TSC22D1: variants seen among roughly 807,000 people sequenced by gnomAD.
TSC22D1 encodes TSC22 domain family member 1.
A neutral mutation model predicts 74.2 loss-of-function variants in TSC22D1; 9 were observed. The ratio of observed to expected loss-of-function variants is 0.12; its 90% CI spans 0.07 to 0.21. TSC22D1 has a LOEUF of 0.21. TSC22D1 is among the 10% of genes least tolerant of loss of function. The pLI, the probability that TSC22D1 is intolerant of heterozygous loss-of-function variation, is 1.00. For synonymous variants in TSC22D1, 586 were observed against 492.5 expected (o/e 1.19, Z -2.51); for missense variants, 1,427 against 1,304.7 (o/e 1.09, Z -1.44).
At chr13:44,572,183 T>C (rs992160006) in intron 1 of TSC22D1, among the ~76,000 whole-genome samples, 4 of 152,248 alleles carry the variant, frequency 2.6e-5, no homozygotes, top group South Asian at 2.1e-4. Context: ...ACTGGAAAAT[T>C]TGTGAAAAGA....
chr13:44,506,595 C>T (rs1305066467), intron 1 of TSC22D1, among the ~76,000 whole-genome samples: 2 of 152,108 alleles, frequency 1.3e-5, no homozygotes, highest in African/African-American at 4.8e-5. Flanking sequence ...ATGTAACAAA[C>T]CTACACATCC....
At chr13:44,492,129 A>G (rs1878755274) in intron 1 of TSC22D1, among the ~76,000 whole-genome samples, 1 of 152,142 alleles carries the variant, frequency 6.6e-6, no homozygotes, top group Non-Finnish European at 1.5e-5. Context: ...TTAATCTACA[A>G]TGGGGTTACA....
In TSC22D1 at chr13:44,574,502, T is replaced by C. The variant is rs1203978179; in HGVS notation, c.1573A>G (p.Thr525Ala). ...VTLQQMDFGS[T>A]GPQSIPAVSI... ...ACTGCTGGAATACTCTGTGGACCAG[T>C]GCTACCAAAATCCATCTGTTGGAGG... The change falls in exon 1 of 3, where the codon ACT (threonine) becomes GCT (alanine). Residue 525 changes from threonine to alanine, a missense_variant. Around this residue, in one of 3 missense-constraint regions of TSC22D1, gnomAD observed 1,343 missense variants for 1,191.5 expected, o/e 1.13. Coordinates refer to ENST00000458659, the MANE Select transcript of TSC22D1 (RefSeq NM_183422.4). The C allele has an allele frequency of 1.2e-6, 2 of 1,614,142 alleles. No homozygotes were observed. Among genetic ancestry groups the C allele is most frequent in the East Asian group, 4.5e-5 (2 of 44,878 alleles).
chr13:44,546,992 G>A (rs1467285315), intron 1 of TSC22D1, among the ~76,000 whole-genome samples: 1 of 151,910 alleles, frequency 6.6e-6, no homozygotes, highest in Non-Finnish European at 1.5e-5. Context: ...GAACTCCTGG[G>A]CTTAAGTAAT....
chr13:44,550,455 G>A (rs995110927), intron 1 of TSC22D1, among the ~76,000 whole-genome samples: 2 of 151,766 alleles, frequency 1.3e-5, no homozygotes, highest in Non-Finnish European at 2.9e-5. Flanking sequence ...GGTGGCGCAT[G>A]CCTGTAATCC....
intron 1 of TSC22D1, among the ~76,000 whole-genome samples, chr13:44,447,837 T>C (rs541106858): frequency 3.4e-5 from 5 of 147,102 alleles, no homozygotes; most frequent in Admixed American, 6.7e-5. Flanking sequence ...CCTTTTCTTT[T>C]TTTTTTTTTT....
rs759147498 is a variant in TSC22D1, at chr13:44,433,681, T to C, written c.*945A>G. On this transcript the variant is annotated 3_prime_UTR_variant, in exon 3 of 3. Transcript: ENST00000458659. ...CTACTGGGAAATCCATTTCATTAGTTAGAACTGAGCATTTTTCAAAGTATT... is the reference window on the plus strand; with the variant it reads ...CTACTGGGAAATCCATTTCATTAGTCAGAACTGAGCATTTTTCAAAGTATT... 116 of 376,308 alleles carry C rather than the reference T, an allele frequency of 3.1e-4. No homozygotes were observed. Among genetic ancestry groups the C allele is most frequent in the Admixed American group, 9.4e-5 (2 of 21,232 alleles). 23.3% of individuals were successfully genotyped at this position (376,308 alleles called of 1,614,324 possible). A position where few individuals can be genotyped will look rare whatever the true frequency, so the allele number is the denominator to read the frequency against.
At chr13:44,463,571 A>T (rs1023675340) in intron 1 of TSC22D1, among the ~76,000 whole-genome samples, 2 of 152,216 alleles carry the variant, frequency 1.3e-5, no homozygotes, top group Non-Finnish European at 2.9e-5. Flanking sequence ...TTGCATAAAG[A>T]GAACAGTTCT....
chr13:44,571,107 T>C (rs1337442849), intron 1 of TSC22D1, among the ~76,000 whole-genome samples: 3 of 152,140 alleles, frequency 2.0e-5, no homozygotes, highest in South Asian at 2.1e-4. Context: ...CCCAAATAGG[T>C]AGTAAATTCA....
At chr13:44,567,941 G>A (rs1418462110) in intron 1 of TSC22D1, among the ~76,000 whole-genome samples, 3 of 152,076 alleles carry the variant, frequency 2.0e-5, no homozygotes. Flanking sequence ...AAAGGTTTTA[G>A]AGGTTTTAAA....
Position 44,573,475 on chromosome 13 carries a change from T to C in TSC22D1, c.2600A>G (p.Asn867Ser), listed in dbSNP as rs373475880. The change falls in exon 1 of 3, where the codon AAT (asparagine) becomes AGT (serine). Residue 867 changes from asparagine (N) to serine (S), a missense_variant. Transcript: ENST00000458659. The part of the protein sequence containing the change: ...IAQTPATQNG[N>S]LVQSVSQPPL... Reference sequence around the variant, plus strand: ...AGGTTGACTAACACTTTGAACCAAATTACCATTTTGGGTAGCAGGGGTTTG... The same window carrying C: ...AGGTTGACTAACACTTTGAACCAAACTACCATTTTGGGTAGCAGGGGTTTG... 3.0e-5 allele frequency: 48 copies of C among 1,614,110 alleles called. No homozygotes were observed. The African/African-American group carries it at 5.1e-4, about 17-fold the overall frequency.
At chr13:44,512,688 TGCTC>T (rs1879791725) in intron 1 of TSC22D1, among the ~76,000 whole-genome samples, 2 of 152,006 alleles carry the variant, frequency 1.3e-5, no homozygotes, top group African/African-American at 4.8e-5. Context: ...GATGGAGTCT[TGCTC>T]TGTCACCAGT....
chr13:44,448,733 G>C (rs930303476), intron 1 of TSC22D1, among the ~76,000 whole-genome samples: 1 of 152,176 alleles, frequency 6.6e-6, no homozygotes, highest in African/African-American at 2.4e-5. Flanking sequence ...GGACCTTGGA[G>C]ATCATTTAAT....
At chr13:44,524,373 A>C (rs965309046) in intron 1 of TSC22D1, among the ~76,000 whole-genome samples, 1 of 152,216 alleles carries the variant, frequency 6.6e-6, no homozygotes, top group African/African-American at 2.4e-5. Context: ...AAAACTAAAG[A>C]AACAAGCAAA....
intron 1 of TSC22D1, among the ~76,000 whole-genome samples, chr13:44,571,637 A>G (rs370541175): frequency 1.3e-5 from 2 of 152,346 alleles, no homozygotes; most frequent in East Asian, 3.9e-4. Context: ...TTGACTTAAA[A>G]AACATTAATA....
rs151244528 is a variant in TSC22D1, at chr13:44,575,829, T to G, written c.246A>C (p.Pro82=). ...CCTGCGAAAGGAGGTTCAGGCTTTG[T>G]GGAGGCGGAGGCTGTGGTCCCGACG... is the stretch of plus-strand genomic sequence containing the variant. ...SSTSGPQPPP[P]QSLNLLSQAQ... Residue 82 remains proline (P), a synonymous_variant, in exon 1 of 3, where the codon CCA becomes CCC. Coordinates refer to ENST00000458659, the MANE Select transcript of TSC22D1 (RefSeq NM_183422.4). 4 of 1,613,700 alleles carry G rather than the reference T, an allele frequency of 2.5e-6. No individual in the cohort carries two copies. The highest frequency in any genetic ancestry group is 3.4e-6 in the Non-Finnish European group (4 of 1,179,944).
chr13:44,574,591 A>T lies in TSC22D1; in HGVS notation c.1484T>A (p.Val495Glu), dbSNP rs753469066. ...TTGTTGCTGCTGCTGCTGCTGCACC[A>T]CCACAGTAGGGGCTCCCATCTCTCC... ...GSGEMGAPTV[V>E]VQQQQQQQQQ... Residue 495 changes from valine (V) to glutamate (E), a missense_variant, in exon 1 of 3, where the codon GTG becomes GAG. Val to Glu is a moderately radical substitution (Grantham distance 121). Around this residue, in one of 3 missense-constraint regions of TSC22D1, gnomAD observed 1,343 missense variants for 1,191.5 expected, o/e 1.13. Transcript: ENST00000458659. 46 of 1,613,810 alleles carry T rather than the reference A, an allele frequency of 2.9e-5. No homozygotes were observed. The South Asian group carries it at 4.7e-4, about 17-fold the overall frequency.
At chr13:44,444,494 A>G (rs1046377560) in intron 1 of TSC22D1, among the ~76,000 whole-genome samples, 10 of 151,964 alleles carry the variant, frequency 6.6e-5, no homozygotes, top group Admixed American at 5.2e-4. Context: ...GGAAGAAGAT[A>G]TTCCATGTTA....
intron 1 of TSC22D1, chr13:44,538,243 T>C (rs1364281301): frequency 1.7e-5 from 17 of 985,236 alleles, no homozygotes; most frequent in Non-Finnish European, 2.0e-5. Flanking sequence ...CCAAGCTACT[T>C]ACATCTCAAA....
Sources: allele counts gnomAD v4.1 joint callset (sites outside exome capture counted in the v4.1 genomes callset), GRCh38; gene constraint gnomAD v4.1.1; regional missense constraint gnomAD v4.1.1; transcripts MANE v1.5; gene names NCBI Gene and HGNC (gene_info 2026-07-23, HGNC 2026-07-21).